ZFPM2: variants seen among roughly 807,000 people sequenced by gnomAD.
ZFPM2 encodes the protein zinc finger protein, FOG family member 2.
Under a neutral mutation model 98.6 loss-of-function variants are expected in ZFPM2, and 20 were observed. That is an observed-to-expected ratio of 0.20 (90% CI 0.14 to 0.29). ZFPM2 has a LOEUF of 0.29. Among genes scored for constraint, ZFPM2 ranks in the 10% least tolerant of loss-of-function variants. ZFPM2 has a pLI of 1.00. For synonymous variants in ZFPM2, 518 were observed against 502.7 expected (o/e 1.03, Z -0.41); for missense variants, 1,310 against 1,388.6 (o/e 0.94, Z 0.90).
chr8:105,761,968 A>C (rs544156241), intron 5 of ZFPM2, among the ~76,000 whole-genome samples: 1 of 152,116 alleles, frequency 6.6e-6, no homozygotes, highest in South Asian at 2.1e-4. Flanking sequence ...TTGATCAATA[A>C]AAGTTGCAGA....
intron 3 of ZFPM2, among the ~76,000 whole-genome samples, chr8:105,517,728 C>CACACACACACAA (rs1813965712): frequency 6.6e-6 from 1 of 151,158 alleles, no homozygotes; most frequent in Non-Finnish European, 1.5e-5. Flanking sequence ...CACACACACA[C>CACACACACACAA]ACACACACAC....
chr8:105,613,081 A>G (rs1037502082), intron 4 of ZFPM2, among the ~76,000 whole-genome samples: 1 of 152,110 alleles, frequency 6.6e-6, no homozygotes, highest in African/African-American at 2.4e-5. Context: ...ATTAAAACAG[A>G]TTTAAATGAT....
intron 3 of ZFPM2, among the ~76,000 whole-genome samples, chr8:105,521,847 G>A (rs1901063): frequency 0.13 from 19,856 of 152,218 alleles, 1,730 homozygotes; most frequent in Non-Finnish European, 0.2. Flanking sequence ...AAAGTGCTGG[G>A]ATTACAGGCA....
intron 3 of ZFPM2, among the ~76,000 whole-genome samples, chr8:105,549,118 A>G (rs1814782547): frequency 6.6e-6 from 1 of 152,114 alleles, no homozygotes; most frequent in Non-Finnish European, 1.5e-5. Context: ...CATGAGTGAT[A>G]ATATCAGCTT....
rs1812000733 is a variant in ZFPM2, at chr8:105,320,283, T to TGC, written c.40+1303_40+1304insCG. ...GTGTGTGTGTGTGTGTGTGTGTGTGTGTGTGTGTGTGTGTGTCTGCTACTT... is the reference window on the plus strand; with the variant it reads ...GTGTGTGTGTGTGTGTGTGTGTGTGTGCGTGTGTGTGTGTGTGTCTGCTACTT... On this transcript the variant is annotated intron_variant, in intron 1 of 7. Coordinates refer to ENST00000407775, the MANE Select transcript of ZFPM2 (RefSeq NM_012082.4). Among the ~76,000 whole-genome samples, 5 of 151,914 alleles carry TGC rather than the reference T, an allele frequency of 3.3e-5. No homozygotes were observed. The South Asian group carries it at 1.0e-3, about 32-fold the overall frequency.
intron 1 of ZFPM2, among the ~76,000 whole-genome samples, chr8:105,335,419 C>CT (rs1309442771): frequency 6.6e-6 from 1 of 151,718 alleles, no homozygotes; most frequent in Non-Finnish European, 1.5e-5. Flanking sequence ...AAGGTGTATG[C>CT]TACTGTAAGT....
At chr8:105,341,022 C>A (rs1430188321) in intron 1 of ZFPM2, among the ~76,000 whole-genome samples, 1 of 151,896 alleles carries the variant, frequency 6.6e-6, no homozygotes, top group East Asian at 1.9e-4. Context: ...GGACAAATGT[C>A]CCCTAGAGAC....
chr8:105,442,163 C>G (rs1406324536), intron 2 of ZFPM2, among the ~76,000 whole-genome samples: 3 of 145,580 alleles, frequency 2.1e-5, no homozygotes, highest in African/African-American at 7.9e-5. Flanking sequence ...GAAACCCCGT[C>G]TCTACTAAAA....
At chr8:105,560,911 A>G (rs1221998557) in intron 3 of ZFPM2, among the ~76,000 whole-genome samples, 3 of 152,174 alleles carry the variant, frequency 2.0e-5, no homozygotes, top group African/African-American at 7.2e-5. Flanking sequence ...CATTTTACCT[A>G]TTGAAACTGG....
intron 4 of ZFPM2, among the ~76,000 whole-genome samples, chr8:105,565,670 T>G (rs1815229143): frequency 6.6e-6 from 1 of 152,182 alleles, no homozygotes; most frequent in Admixed American, 6.6e-5. Flanking sequence ...TGAGATAGCA[T>G]ATGTGAGTTA....
At chr8:105,712,284 A>T (rs1811419239) in intron 5 of ZFPM2, among the ~76,000 whole-genome samples, 1 of 152,142 alleles carries the variant, frequency 6.6e-6, no homozygotes, top group Non-Finnish European at 1.5e-5. Context: ...CATTGTCACA[A>T]GAAATGAGAC....
chr8:105,409,287 G>C (rs550606706), intron 1 of ZFPM2, among the ~76,000 whole-genome samples: 13 of 152,024 alleles, frequency 8.6e-5, no homozygotes, highest in African/African-American at 2.9e-4. Flanking sequence ...TAGCCACACA[G>C]TGGAAGATTC....
chr8:105,370,684 G>T (rs1315905833), intron 1 of ZFPM2, among the ~76,000 whole-genome samples: 1 of 152,184 alleles, frequency 6.6e-6, no homozygotes, highest in Admixed American at 6.5e-5. Flanking sequence ...TTTTGATAAA[G>T]ACACTTATTG....
chr8:105,389,736 A>G (rs923793432), intron 1 of ZFPM2, among the ~76,000 whole-genome samples: 7 of 152,230 alleles, frequency 4.6e-5, no homozygotes, highest in African/African-American at 1.7e-4. Context: ...ATGTATTTAT[A>G]TAGTAACAAG....
chr8:105,691,230 A>ATTTTTTTTTTTT (rs1405040871), intron 5 of ZFPM2, among the ~76,000 whole-genome samples: 3 of 83,282 alleles, frequency 3.6e-5, no homozygotes, highest in Admixed American at 1.2e-4. Flanking sequence ...TCCCAAAGAG[A>ATTTTTTTTTTTT]CTTTTTTTTT....
intron 3 of ZFPM2, among the ~76,000 whole-genome samples, chr8:105,519,536 G>A (rs752799144): frequency 1.2e-4 from 19 of 152,040 alleles, no homozygotes; most frequent in Non-Finnish European, 2.1e-4. Context: ...AATATACACT[G>A]CTCTGATCCT....
intron 2 of ZFPM2, among the ~76,000 whole-genome samples, chr8:105,423,637 G>T (rs1416723127): frequency 2.6e-5 from 4 of 152,150 alleles, no homozygotes; most frequent in Non-Finnish European, 4.4e-5. Context: ...TTTCGTTTCA[G>T]TTATTTTGTC....
chr8:105,622,390 C>A (rs1284455003), intron 4 of ZFPM2, among the ~76,000 whole-genome samples: 1 of 152,070 alleles, frequency 6.6e-6, no homozygotes, highest in Admixed American at 6.6e-5. Context: ...TCTCTTATGA[C>A]TGAGAATATT....
chr8:105,768,968 C>A lies in ZFPM2; in HGVS notation c.533-19750C>A, dbSNP rs372208230. ...GGTTCCTATCAGGCATAAATACTTACAATCTCATGAGAAACATTGAATGGA... is the reference window on the plus strand; with the variant it reads ...GGTTCCTATCAGGCATAAATACTTAAAATCTCATGAGAAACATTGAATGGA... On this transcript the variant is annotated intron_variant, in intron 5 of 7. Coordinates refer to ENST00000407775, the MANE Select transcript of ZFPM2 (RefSeq NM_012082.4). Among the ~76,000 whole-genome samples the A allele has an allele frequency of 6.6e-5, 10 of 152,046 alleles. No homozygotes were observed. The South Asian group carries it at 2.1e-3, about 31-fold the overall frequency.
Sources: allele counts gnomAD v4.1 joint callset (sites outside exome capture counted in the v4.1 genomes callset), GRCh38; gene constraint gnomAD v4.1.1; transcripts MANE v1.5; gene names NCBI Gene and HGNC (gene_info 2026-07-23, HGNC 2026-07-21).